The following SERPINB8 variants were observed in gnomAD, a reference collection of about 807,000 sequenced individuals.
SERPINB8 encodes serpin B8.
In SERPINB8, 25 loss-of-function variants were observed where a neutral mutation model predicts 35.3. The ratio of observed to expected loss-of-function variants is 0.71; its 90% CI spans 0.52 to 0.99. SERPINB8 has a LOEUF of 0.99. Ranked by LOEUF, SERPINB8 falls within the 50% of genes least tolerant of loss-of-function variation. SERPINB8 has a pLI of 0.00. For missense variants in SERPINB8, 484 were observed against 446.5 expected (o/e 1.08, Z -0.76); for synonymous variants, 186 against 160.8 (o/e 1.16, Z -1.19).
In SERPINB8 at chr18:63,981,796, T is replaced by C; in HGVS notation, c.382T>C (p.Cys128Arg). The C allele has an allele frequency of 6.2e-7, 1 of 1,613,664 alleles. No individual in the cohort carries two copies. The highest frequency in any genetic ancestry group is 1.3e-5 in the African/African-American group (1 of 74,972). ...GTCCTTTGCTGAAGACACTGAAGAG[T>C]GCAGGAAGCATATAAATGACTGGGT... ...ELSFAEDTEE[C>R]RKHINDWVAE... Residue 128 changes from cysteine to arginine, a missense_variant, in exon 4 of 7, where the codon TGC becomes CGC. Cys to Arg is a radical substitution (Grantham distance 180, BLOSUM62 -3). Transcript: ENST00000397985.
chr18:64,014,580 T>A (rs2050941086), intron 7 of SERPINB8, among the ~76,000 whole-genome samples: 1 of 152,192 alleles, frequency 6.6e-6, no homozygotes, highest in African/African-American at 2.4e-5. Flanking sequence ...CTCAGTCTTT[T>A]CATGCCAGAC....
Position 63,983,667 on chromosome 18 carries a change from G to A in SERPINB8, c.513G>A (p.Trp171Ter), listed in dbSNP as rs1300586006. 1 of 1,613,960 alleles carries A rather than the reference G, an allele frequency of 6.2e-7. No individual in the cohort carries two copies. The highest frequency in any genetic ancestry group is 2.2e-5 in the East Asian group (1 of 44,886). Residue 171 changes from tryptophan to a stop codon, truncating the protein, a stop_gained, in exon 5 of 7, where the codon TGG (tryptophan) becomes TGA (stop). Coordinates refer to ENST00000397985, the MANE Select transcript of SERPINB8 (RefSeq NM_002640.4). LOFTEE classifies it high-confidence loss of function. ...ATGCCATTTATTTCAAGGGAAAGTG[G>A]AATGAGCAATTTGACAGAAAGTACA... ...LVNAIYFKGK[W>*]NEQFDRKYTR...
In SERPINB8 at chr18:63,985,239, C is replaced by T. The variant is rs138783667; in HGVS notation, c.714C>T (p.Leu238=). The change falls in exon 6 of 7, where the codon CTC becomes CTT. Residue 238 remains leucine (L), a synonymous_variant. Transcript: ENST00000397985. ...VILLPDDNTD[L]AVVEKALTYE... is the part of the protein sequence containing the mutation. ...TGCTTCCCGATGACAACACGGACCTCGCCGTGGTAAGCTCCAGGCAATGAG... is the reference window on the plus strand; with the variant it reads ...TGCTTCCCGATGACAACACGGACCTTGCCGTGGTAAGCTCCAGGCAATGAG... 4.9e-5 allele frequency: 79 copies of T among 1,613,962 alleles called. No individual in the cohort carries two copies. The highest frequency in any genetic ancestry group is 5.8e-5 in the Non-Finnish European group (69 of 1,180,000).
chr18:63,998,873 G>T (rs1467054740), intron 1 of SERPINB8, among the ~76,000 whole-genome samples: 1 of 152,136 alleles, frequency 6.6e-6, no homozygotes, highest in African/African-American at 2.4e-5. Flanking sequence ...TTTTCCCTAA[G>T]GTGGCCCTGC....
At chr18:63,981,872 A>G (rs201764163) in intron 4 of SERPINB8, 34 bp downstream of exon 4, 130 of 1,468,704 alleles carry the variant, frequency 8.9e-5, no homozygotes, top group Non-Finnish European at 1.1e-4. Context: ...ATTTGGAATT[A>G]CTATACAACG....
intron 7 of SERPINB8, among the ~76,000 whole-genome samples, chr18:64,011,376 G>C (rs1194319624): frequency 2.0e-5 from 3 of 152,084 alleles, no homozygotes; most frequent in Admixed American, 6.5e-5. Context: ...AAAAGGGTAT[G>C]ATTCATAGTG....
At chr18:64,010,341 A>G (rs1040724938), downstream of SERPINB8, among the ~76,000 whole-genome samples, 2 of 152,202 alleles carry the variant, frequency 1.3e-5, no homozygotes, top group African/African-American at 4.8e-5. Context: ...ACTTAGGAAA[A>G]TGATCTCGCA....
chr18:64,019,568 G>A (rs1436563725), exon 8 of SERPINB8: 2 of 151,920 alleles, frequency 1.3e-5, no homozygotes, highest in Non-Finnish European at 2.9e-5. Context: ...TCTCTTTCAC[G>A]TTATATAAGA....
chr18:63,995,271 G>T (rs569748946), intron 1 of SERPINB8, among the ~76,000 whole-genome samples: 1 of 152,312 alleles, frequency 6.6e-6, no homozygotes, highest in Admixed American at 6.5e-5. Flanking sequence ...TAGGGGTTAG[G>T]CTGAGGTCCC....
At chr18:64,014,533 G>A (rs1230390588) in intron 7 of SERPINB8, among the ~76,000 whole-genome samples, 1 of 152,148 alleles carries the variant, frequency 6.6e-6, no homozygotes, top group Non-Finnish European at 1.5e-5. Flanking sequence ...AGTGTGGGCT[G>A]AGCATCCTAT....
chr18:63,998,556 G>A (rs562580005), intron 1 of SERPINB8, among the ~76,000 whole-genome samples: 6 of 152,258 alleles, frequency 3.9e-5, no homozygotes, highest in East Asian at 3.9e-4. Flanking sequence ...GTCTCACTGC[G>A]GCAATTCTCT....
intron 1 of SERPINB8, among the ~76,000 whole-genome samples, chr18:63,997,634 T>G (rs1172375791): frequency 6.6e-6 from 1 of 152,206 alleles, no homozygotes; most frequent in Non-Finnish European, 1.5e-5. Flanking sequence ...CTTTATAAAG[T>G]ATGGTTGGCT....
At chr18:63,997,075 C>T (rs765663890) in intron 1 of SERPINB8, among the ~76,000 whole-genome samples, 13 of 142,672 alleles carry the variant, frequency 9.1e-5, no homozygotes, top group Non-Finnish European at 1.2e-4. Flanking sequence ...CCTTTACTAT[C>T]GCTCATAGTA....
At chr18:64,003,881 A>C (rs983167746) in intron 1 of SERPINB8, among the ~76,000 whole-genome samples, 1 of 152,130 alleles carries the variant, frequency 6.6e-6, no homozygotes. Flanking sequence ...TGTCAGTCTC[A>C]CCCAGAAACA....
intron 6 of SERPINB8, 128 bp downstream of exon 6, chr18:63,985,373 C>G (rs756251150): frequency 4.2e-6 from 4 of 944,212 alleles, no homozygotes; most frequent in Non-Finnish European, 6.2e-6. Context: ...GGGTGAACAT[C>G]ATTGTGTGTC....
rs556552651 is a variant in SERPINB8, at chr18:63,983,849, T to C, written c.567+128T>C. The C allele has an allele frequency of 1.8e-5, 12 of 664,038 alleles. No individual in the cohort carries two copies. The South Asian group carries it at 3.3e-4, about 18-fold the overall frequency. The allele number at this position is 664,038 out of a possible 1,614,324, so 41.1% of individuals were successfully genotyped here. On this transcript the variant is annotated intron_variant, in intron 5 of 6. Transcript: ENST00000397985. ...TAATCTATTTCTGAATTATATTATA[T>C]TATTTTATTTTCTTTGAGACAGGGT...
chr18:63,999,254 CT>C (rs1424142237), intron 1 of SERPINB8, among the ~76,000 whole-genome samples: 21 of 152,328 alleles, frequency 1.4e-4, no homozygotes, highest in Middle Eastern at 3.4e-3. Flanking sequence ...CCACTCACTC[CT>C]TGACCCCATA....
chr18:63,986,991 G>C lies in SERPINB8; in HGVS notation c.838G>C (p.Glu280Gln). ...RLKLEESYDLEPFLRRLGMID... is the reference protein window; with the variant it reads ...RLKLEESYDLQPFLRRLGMID... Reference sequence around the variant, plus strand: ...AAAGCTGGAGGAGAGTTATGACTTGGAGCCTTTCCTTCGAAGATTAGGAAT... The same window carrying C: ...AAAGCTGGAGGAGAGTTATGACTTGCAGCCTTTCCTTCGAAGATTAGGAAT... Residue 280 changes from glutamate to glutamine, a missense_variant, in exon 7 of 7, where the codon GAG (glutamate) becomes CAG (glutamine). Transcript: ENST00000397985. The C allele has an allele frequency of 6.2e-7, 1 of 1,614,184 alleles. No individual in the cohort carries two copies. Among genetic ancestry groups the C allele is most frequent in the Non-Finnish European group, 8.5e-7 (1 of 1,180,046 alleles).
intron 1 of SERPINB8, among the ~76,000 whole-genome samples, chr18:64,001,492 TTTA>T (rs1480606202): frequency 0.015 from 2,228 of 151,990 alleles, 51 homozygotes; most frequent in African/African-American, 0.052. Flanking sequence ...TATTTATTTA[TTTA>T]TTTATTTACT....
Sources: gnomAD v4.1 joint callset for allele counts (sites outside exome capture counted in the v4.1 genomes callset) on GRCh38, gnomAD v4.1.1 for gene constraint, MANE v1.5 for transcripts, NCBI Gene and HGNC (gene_info 2026-07-23, HGNC 2026-07-21) for gene names.